The following KALRN variants were observed in gnomAD, a reference collection of about 807,000 sequenced individuals.
KALRN encodes kalirin RhoGEF kinase.
In KALRN, 70 loss-of-function variants were observed where a neutral mutation model predicts 353.7. The observed-to-expected ratio is 0.20, with a 90% CI of 0.16 to 0.24. KALRN has a LOEUF of 0.24. Among genes scored for constraint, KALRN ranks in the 10% least tolerant of loss-of-function variants. The probability of loss-of-function intolerance (pLI) is 1.00; values close to 1 mark genes in which losing one functional copy is unlikely to be tolerated. For missense variants in KALRN, 2,791 were observed against 3,756.7 expected (o/e 0.74, Z 6.72); for synonymous variants, 1,391 against 1,434.8 (o/e 0.97, Z 0.69).
intron 3 of KALRN, among the ~76,000 whole-genome samples, chr3:124,248,624 T>C (rs116669854): frequency 6.4e-4 from 98 of 152,372 alleles, no homozygotes; most frequent in African/African-American, 2.0e-3. Flanking sequence ...GATAATTTAC[T>C]GACGTAATTC....
intron 16 of KALRN, among the ~76,000 whole-genome samples, chr3:124,431,697 A>G (rs1259233121): frequency 6.6e-6 from 1 of 151,292 alleles, no homozygotes; most frequent in Non-Finnish European, 1.5e-5. Flanking sequence ...TCTTTTACTA[A>G]AAAAAAAATT....
In KALRN at chr3:124,673,229, TTA is replaced by T. The variant is rs780589949; in HGVS notation, c.6943-1134_6943-1133del. On this transcript the variant is annotated intron_variant, in intron 48 of 59. Coordinates refer to ENST00000682506, the MANE Select transcript of KALRN (RefSeq NM_001388419.1). ...GCAAGAACTCATCTCTAATAAAACT[TTA>T]AAAAAAAAAAAAAATTAGCCAGGCA... Among the ~76,000 whole-genome samples, 151 of 68,954 alleles carry T rather than the reference TTA, an allele frequency of 2.2e-3. 1 individual carries two copies. The highest frequency in any genetic ancestry group is 0.015 in the African/African-American group (91 of 5,948). The allele number at this position is 68,954 out of a possible 152,430, so 45.2% of individuals were successfully genotyped here.
At chr3:124,222,379 A>G (rs1428439700) in intron 1 of KALRN, among the ~76,000 whole-genome samples, 1 of 152,054 alleles carries the variant, frequency 6.6e-6, no homozygotes, top group Non-Finnish European at 1.5e-5. Flanking sequence ...GTAATGGCTG[A>G]ATCTCTGGAA....
chr3:124,043,450 G>C (rs1037413369), intron 1 of KALRN, among the ~76,000 whole-genome samples: 1 of 152,148 alleles, frequency 6.6e-6, no homozygotes, highest in African/African-American at 2.4e-5. Flanking sequence ...GGAAGGTCCT[G>C]GATGAGCCTG....
chr3:124,487,971 T>A (rs1393965616), intron 28 of KALRN, among the ~76,000 whole-genome samples: 5 of 151,798 alleles, frequency 3.3e-5, no homozygotes, highest in Non-Finnish European at 2.9e-5. Flanking sequence ...CATTTGGGAG[T>A]TGGGTTGGAT....
intron 10 of KALRN, among the ~76,000 whole-genome samples, chr3:124,352,169 A>G (rs773556081): frequency 1.3e-5 from 2 of 152,238 alleles, no homozygotes; most frequent in Non-Finnish European, 2.9e-5. Context: ...TAAGAGACAC[A>G]TATTTTAAGA....
chr3:124,262,996 T>C (rs1036777151), intron 3 of KALRN, among the ~76,000 whole-genome samples: 2 of 151,398 alleles, frequency 1.3e-5, no homozygotes, highest in African/African-American at 4.9e-5. Flanking sequence ...ACGGATTGGC[T>C]TTAAAAACAT....
rs1285523607 is a variant in KALRN at position 124,298,811 on chromosome 3, C to A, written c.990C>A (p.His330Gln). ...DAEKMFDWISHNKELFLQSHT... is the reference protein window; with the variant it reads ...DAEKMFDWISQNKELFLQSHT... ...TCTAGATGTTTGACTGGATAAGCCA[C>A]AACAAGGAGTTATTCCTCCAGAGCC... The change falls in exon 6 of 60, where the codon CAC (histidine) becomes CAA (glutamine). Residue 330 changes from histidine (H) to glutamine (Q), a missense_variant. Around this residue, in one of 11 missense-constraint regions of KALRN, gnomAD observed 366 missense variants for 489.2 expected, o/e 0.75. Transcript: ENST00000682506. 4 of 1,614,168 alleles carry A rather than the reference C, an allele frequency of 2.5e-6. No individual in the cohort carries two copies. The highest frequency in any genetic ancestry group is 3.4e-6 in the Non-Finnish European group (4 of 1,180,012).
intron 33 of KALRN, among the ~76,000 whole-genome samples, chr3:124,545,726 G>A (rs572411611): frequency 2.9e-4 from 44 of 152,288 alleles, no homozygotes; most frequent in African/African-American, 1.0e-3. Flanking sequence ...TCTGTTCAGC[G>A]TCCCCATTAA....
At chr3:124,686,905 C>T (rs1412425093) in intron 51 of KALRN, among the ~76,000 whole-genome samples, 2 of 147,790 alleles carry the variant, frequency 1.4e-5, no homozygotes, top group Non-Finnish European at 3.0e-5. Flanking sequence ...GCACTAACCT[C>T]CCAGGCTCAA....
chr3:124,642,806 G>GTTGTTTTTTTTTTTTTTTTTTTTTTT lies in KALRN; in HGVS notation c.5664+5505_5664+5506insGTTTTTTTTTTTTTTTTTTTTTTTTT, dbSNP rs796628603. ...TCTGTGGAAGAGATTCCCAAGCCTC[G>GTTGTTTTTTTTTTTTTTTTTTTTTTT]TTTTTTTTTTTTTTTTTTTTGAGAC... On this transcript the variant is annotated intron_variant, in intron 37 of 59. Coordinates refer to ENST00000682506, the MANE Select transcript of KALRN (RefSeq NM_001388419.1). Among the ~76,000 whole-genome samples, 112 of 96,808 alleles carry GTTGTTTTTTTTTTTTTTTTTTTTTTT rather than the reference G, an allele frequency of 1.2e-3. 24 individuals are homozygous for GTTGTTTTTTTTTTTTTTTTTTTTTTT. In the East Asian group the frequency reaches 0.014, roughly 12 times the overall value. 63.5% of individuals were successfully genotyped at this position (96,808 alleles called of 152,430 possible). A position where few individuals can be genotyped will look rare whatever the true frequency, so the allele number is the denominator to read the frequency against.
At chr3:124,481,125 C>G (rs533093253) in intron 27 of KALRN, among the ~76,000 whole-genome samples, 1 of 152,218 alleles carries the variant, frequency 6.6e-6, no homozygotes, top group Admixed American at 6.5e-5. Flanking sequence ...AGATTTACCC[C>G]CATGTTGCTG....
At chr3:124,661,093 A>G in intron 44 of KALRN, 120 bp downstream of exon 44, 1 of 768,998 alleles carries the variant, frequency 1.3e-6, no homozygotes, top group South Asian at 1.5e-5. Context: ...TCAGACAGTA[A>G]GAGGCTCTTG....
At chr3:124,165,808 T>C (rs1253147585) in intron 1 of KALRN, among the ~76,000 whole-genome samples, 1 of 152,244 alleles carries the variant, frequency 6.6e-6, no homozygotes, top group African/African-American at 2.4e-5. Context: ...CCAAGTGCTT[T>C]CGCACTGTAC....
chr3:124,343,687 C>T (rs141625993), intron 9 of KALRN, among the ~76,000 whole-genome samples: 2 of 152,330 alleles, frequency 1.3e-5, no homozygotes, highest in African/African-American at 4.8e-5. Flanking sequence ...CAGATCTCAG[C>T]TAAACCTCAC....
At chr3:124,158,270 C>A (rs1413799288) in intron 1 of KALRN, among the ~76,000 whole-genome samples, 1 of 152,130 alleles carries the variant, frequency 6.6e-6, no homozygotes, top group African/African-American at 2.4e-5. Flanking sequence ...ACTAGAAGGA[C>A]CTAGATGGGA....
intron 3 of KALRN, among the ~76,000 whole-genome samples, chr3:124,252,379 CAGG>C (rs2071295982): frequency 6.6e-6 from 1 of 152,198 alleles, no homozygotes; most frequent in African/African-American, 2.4e-5. Flanking sequence ...TCAGTTCTAA[CAGG>C]AGGAGCTAGC....
At chr3:124,238,000 A>T (rs1177555678) in intron 3 of KALRN, among the ~76,000 whole-genome samples, 1 of 152,216 alleles carries the variant, frequency 6.6e-6, no homozygotes, top group Non-Finnish European at 1.5e-5. Context: ...TTAAACAGAT[A>T]GTGTTGATAA....
At chr3:124,643,440 A>G (rs1469807422) in intron 37 of KALRN, among the ~76,000 whole-genome samples, 1 of 152,138 alleles carries the variant, frequency 6.6e-6, no homozygotes. Flanking sequence ...AATTACTTAG[A>G]TCTCATGCTT....
Sources: allele counts gnomAD v4.1 joint callset (sites outside exome capture counted in the v4.1 genomes callset), GRCh38; gene constraint gnomAD v4.1.1; regional missense constraint gnomAD v4.1.1; transcripts MANE v1.5; gene names NCBI Gene and HGNC (gene_info 2026-07-23, HGNC 2026-07-21).